GABRA3: variants seen among roughly 807,000 people sequenced by gnomAD.
GABRA3 encodes the protein gamma-aminobutyric acid type A receptor subunit alpha3.
A neutral mutation model predicts 30.1 loss-of-function variants in GABRA3; 10 were observed. The ratio of observed to expected loss-of-function variants is 0.33; its 90% CI spans 0.20 to 0.56. The LOEUF is 0.56. GABRA3 is among the 20% of genes least tolerant of loss of function. The pLI is 0.89. For missense variants in GABRA3, 233 were observed against 392.0 expected, an observed-to-expected ratio of 0.59 and a Z score of 3.42; for synonymous variants, 151 against 146.8, an observed-to-expected ratio of 1.03 and a Z score of -0.21.
At chrX:152,215,851 G>C (rs776231623) in intron 6 of GABRA3, among the ~76,000 whole-genome samples, 3 of 111,209 alleles carry the variant, frequency 2.7e-5, no homozygotes, top group Non-Finnish European at 5.7e-5. Flanking sequence ...GTATACATCT[G>C]ATAAGGGGTT....
At chrX:152,243,213 T>C (rs1027324929) in intron 5 of GABRA3, among the ~76,000 whole-genome samples, 1 of 111,635 alleles carries the variant, frequency 9.0e-6, no homozygotes. Flanking sequence ...TGAGGAGATG[T>C]TGGTCAAAGA....
intron 5 of GABRA3, among the ~76,000 whole-genome samples, chrX:152,230,408 A>C (rs1938044474): frequency 1.8e-5 from 2 of 111,230 alleles, no homozygotes; most frequent in Admixed American, 1.9e-4. Context: ...ATTCTCTCCA[A>C]ATTGCTCTAT....
intron 1 of GABRA3, among the ~76,000 whole-genome samples, chrX:152,384,830 C>T (rs1159720784): frequency 9.0e-6 from 1 of 111,625 alleles, no homozygotes; most frequent in Admixed American, 9.6e-5. Flanking sequence ...GAATGGTAGA[C>T]GTTTGTCACA....
chrX:152,321,050 T>A (rs922590492), intron 3 of GABRA3, among the ~76,000 whole-genome samples: 1 of 112,462 alleles, frequency 8.9e-6, no homozygotes, highest in African/African-American at 3.2e-5. Context: ...TCACAAATTG[T>A]TTTATTTTTA....
chrX:152,432,227 T>C (rs1261120238), intron 1 of GABRA3, among the ~76,000 whole-genome samples: 1 of 111,761 alleles, frequency 8.9e-6, no homozygotes, highest in Non-Finnish European at 1.9e-5. Context: ...ATAAACATTT[T>C]AAATTAAGAT....
chrX:152,288,794 G>C (rs1939342029), intron 3 of GABRA3, among the ~76,000 whole-genome samples: 1 of 112,203 alleles, frequency 8.9e-6, no homozygotes, highest in Non-Finnish European at 1.9e-5. Context: ...TTAATTAGTA[G>C]AAGATAAGAA....
intron 2 of GABRA3, among the ~76,000 whole-genome samples, chrX:152,351,395 T>C (rs1268547587): frequency 8.9e-6 from 1 of 112,243 alleles, no homozygotes; most frequent in African/African-American, 3.2e-5. Flanking sequence ...GTGTCTCACC[T>C]TGCACTTTTA....
intron 7 of GABRA3, among the ~76,000 whole-genome samples, chrX:152,201,476 G>C (rs1454287103): frequency 8.9e-6 from 1 of 112,319 alleles, no homozygotes; most frequent in Non-Finnish European, 1.9e-5. Context: ...TTTTCCTGAA[G>C]TGGATTTGTT....
chrX:152,362,711 A>T (rs1409374371), intron 2 of GABRA3, among the ~76,000 whole-genome samples: 2 of 111,722 alleles, frequency 1.8e-5, no homozygotes, highest in Non-Finnish European at 3.8e-5. Context: ...AAAAAAGTAG[A>T]TGAATCCAAG....
intron 1 of GABRA3, among the ~76,000 whole-genome samples, chrX:152,378,562 A>G (rs1056800699): frequency 9.0e-6 from 1 of 111,466 alleles, no homozygotes; most frequent in Non-Finnish European, 1.9e-5. Context: ...TCCAAATATA[A>G]AATAAATAAA....
At chrX:152,205,724 A>T (rs1449152425) in intron 7 of GABRA3, among the ~76,000 whole-genome samples, 3 of 111,764 alleles carry the variant, frequency 2.7e-5, no homozygotes, top group Non-Finnish European at 5.6e-5. Flanking sequence ...TTTTACCTGG[A>T]TTATGTGCAT....
intron 3 of GABRA3, among the ~76,000 whole-genome samples, chrX:152,287,217 T>C (rs1019917371): frequency 8.9e-6 from 1 of 112,145 alleles, no homozygotes; most frequent in African/African-American, 3.2e-5. Flanking sequence ...AAGATAGTCA[T>C]GCAGACTTCC....
intron 1 of GABRA3, among the ~76,000 whole-genome samples, chrX:152,397,227 C>T (rs1022987393): frequency 7.3e-4 from 82 of 111,773 alleles, no homozygotes; most frequent in African/African-American, 2.4e-3. Flanking sequence ...ACTCTTTACA[C>T]CTTCTGTGGC....
At chrX:152,263,011 T>A (rs1256875703) in intron 4 of GABRA3, among the ~76,000 whole-genome samples, 1 of 111,264 alleles carries the variant, frequency 9.0e-6, no homozygotes, top group Non-Finnish European at 1.9e-5. Flanking sequence ...AACACATCCT[T>A]CTTCACATGG....
chrX:152,323,718 AT>A (rs1221617690), intron 3 of GABRA3, among the ~76,000 whole-genome samples: 1 of 112,430 alleles, frequency 8.9e-6, no homozygotes. Context: ...TGTTAAAAAA[AT>A]ATTAACACCA....
Position 152,251,081 on chromosome X carries a change from T to C in GABRA3, c.551+4697A>G, listed in dbSNP as rs150745327. The C allele has an allele frequency of 9.5e-3, 3,058 of 320,437 alleles. 78 individuals are homozygous for C. The highest frequency in any genetic ancestry group is 0.077 in the African/African-American group (2,774 of 36,179). The allele number at this position is 320,437 out of a possible 1,213,427, so 26.4% of individuals were successfully genotyped here. A position where few individuals can be genotyped will look rare whatever the true frequency, so the allele number is the denominator to read the frequency against. On this transcript the variant is annotated intron_variant, in intron 5 of 9. Coordinates refer to ENST00000370314, the MANE Select transcript of GABRA3 (RefSeq NM_000808.4). ...TTTATTTTTCCATTTTGAGCCTATG[T>C]CTCCCTCCAGGCCCACCTTCCTGGA...
At chrX:152,343,447 C>CAA (rs201238204) in intron 3 of GABRA3, among the ~76,000 whole-genome samples, 9,599 of 88,908 alleles carry the variant, frequency 0.11, 439 homozygotes, top group African/African-American at 0.12. Flanking sequence ...ACCTCAAATC[C>CAA]AAAAAAAAAA....
At chrX:152,236,277 T>G (rs112294472) in intron 5 of GABRA3, among the ~76,000 whole-genome samples, 1,603 of 93,718 alleles carry the variant, frequency 0.017, 31 homozygotes, top group African/African-American at 0.057. Context: ...AGTTTACTGA[T>G]AATGATGATT....
At chrX:152,251,171 T>C in intron 5 of GABRA3, 1 of 317,183 alleles carries the variant, frequency 3.2e-6, no homozygotes, top group Non-Finnish European at 6.2e-6. Context: ...GTACTTCCTC[T>C]ATTCTGTAAA....
Sources: gnomAD v4.1 joint callset for allele counts (sites outside exome capture counted in the v4.1 genomes callset) on GRCh38, gnomAD v4.1.1 for gene constraint, MANE v1.5 for transcripts, NCBI Gene and HGNC (gene_info 2026-07-23, HGNC 2026-07-21) for gene names.